Variants in SLC2A13 observed in about 807,000 individuals in gnomAD.
The protein encoded by SLC2A13 is proton myo-inositol cotransporter.
SLC2A13 carries 32 observed loss-of-function variants against 64.4 expected under a neutral mutation model. That is an observed-to-expected ratio of 0.50 (90% CI 0.37 to 0.67). The LOEUF (loss-of-function observed/expected upper bound fraction) is 0.67. Among genes scored for constraint, SLC2A13 ranks in the 30% least tolerant of loss-of-function variants. SLC2A13 has a pLI of 0.00. For missense variants in SLC2A13, 743 were observed against 829.2 expected (o/e 0.90, Z 1.28); for synonymous variants, 338 against 327.1 (o/e 1.03, Z -0.36).
At chr12:40,031,688 T>A (rs921024179) in intron 2 of SLC2A13, among the ~76,000 whole-genome samples, 6 of 152,214 alleles carry the variant, frequency 3.9e-5, no homozygotes, top group African/African-American at 1.4e-4. Flanking sequence ...TTGTTCTGGC[T>A]GTATCACCCA....
At chr12:39,829,186 T>A (rs1021462630) in intron 7 of SLC2A13, among the ~76,000 whole-genome samples, 9 of 151,976 alleles carry the variant, frequency 5.9e-5, no homozygotes, top group Non-Finnish European at 1.2e-4. Context: ...AGTTCATAAA[T>A]CTGGAGAATA....
At chr12:40,070,286 G>T (rs562770632) in intron 1 of SLC2A13, among the ~76,000 whole-genome samples, 7 of 152,086 alleles carry the variant, frequency 4.6e-5, no homozygotes, top group African/African-American at 1.7e-4. Context: ...GAAACCAAAA[G>T]AACATGAACA....
At chr12:39,843,430 G>A (rs1207815928) in intron 6 of SLC2A13, among the ~76,000 whole-genome samples, 1 of 151,946 alleles carries the variant, frequency 6.6e-6, no homozygotes, top group Non-Finnish European at 1.5e-5. Context: ...ATGGCCTTTT[G>A]CAGAAAGAAT....
chr12:39,897,301 ACAGACTATCTGAAAGATAAGCTCAAGCAG>A (rs1296550317), intron 4 of SLC2A13, among the ~76,000 whole-genome samples: 1 of 152,210 alleles, frequency 6.6e-6, no homozygotes, highest in Non-Finnish European at 1.5e-5. Flanking sequence ...GCAAGCCTGC[ACAGACTATCTGAAAGATAAGCTCAAGCAG>A]AGCTCCATAT....
At chr12:39,806,937 G>A (rs1369548677) in intron 7 of SLC2A13, among the ~76,000 whole-genome samples, 14 of 152,080 alleles carry the variant, frequency 9.2e-5, no homozygotes, top group Admixed American at 9.2e-4. Flanking sequence ...AATCTCCAGA[G>A]AATTATGCTG....
intron 3 of SLC2A13, among the ~76,000 whole-genome samples, chr12:39,990,719 G>A (rs1240251737): frequency 2.6e-5 from 4 of 152,142 alleles, no homozygotes; most frequent in Non-Finnish European, 5.9e-5. Flanking sequence ...TGGCAGCTGT[G>A]CTTGGGACAC....
chr12:39,768,474 C>T (rs1373345172), intron 7 of SLC2A13, among the ~76,000 whole-genome samples: 1 of 152,110 alleles, frequency 6.6e-6, no homozygotes, highest in Non-Finnish European at 1.5e-5. Context: ...CCTCATTAAG[C>T]TCAATTATTT....
At chr12:39,910,818 C>T (rs1159629647) in intron 4 of SLC2A13, among the ~76,000 whole-genome samples, 1 of 152,084 alleles carries the variant, frequency 6.6e-6, no homozygotes, top group Non-Finnish European at 1.5e-5. Flanking sequence ...GGTGTGGTAG[C>T]TCATGCCTGT....
chr12:40,051,616 C>T (rs973250966), intron 1 of SLC2A13, among the ~76,000 whole-genome samples: 3 of 152,024 alleles, frequency 2.0e-5, no homozygotes, highest in Admixed American at 1.3e-4. Context: ...GGATAGAAGT[C>T]ATATTTAAGC....
At chr12:40,045,368 ATT>A (rs991404518) in intron 2 of SLC2A13, among the ~76,000 whole-genome samples, 1 of 151,934 alleles carries the variant, frequency 6.6e-6, no homozygotes, top group Admixed American at 6.6e-5. Context: ...TTTGAAACAT[ATT>A]GCTATAAAAG....
intron 7 of SLC2A13, among the ~76,000 whole-genome samples, chr12:39,770,102 C>A (rs1174338624): frequency 6.6e-6 from 1 of 152,012 alleles, no homozygotes; most frequent in Admixed American, 6.6e-5. Flanking sequence ...TTTTAAATTG[C>A]CTCTTCCTCT....
chr12:39,801,475 CT>C (rs1941790545), intron 7 of SLC2A13, among the ~76,000 whole-genome samples: 2 of 152,036 alleles, frequency 1.3e-5, no homozygotes, highest in Admixed American at 1.3e-4. Context: ...GAGGGCTGAC[CT>C]CATGACATAG....
intron 7 of SLC2A13, among the ~76,000 whole-genome samples, chr12:39,825,917 C>A (rs909540066): frequency 2.6e-5 from 4 of 151,950 alleles, no homozygotes; most frequent in Non-Finnish European, 4.4e-5. Context: ...TTCTTCTAAA[C>A]CTATTAATTA....
At chr12:39,889,511 G>A (rs377094593) in intron 4 of SLC2A13, among the ~76,000 whole-genome samples, 4 of 149,254 alleles carry the variant, frequency 2.7e-5, no homozygotes, top group Admixed American at 2.0e-4. Context: ...CCGACTTTAC[G>A]CTTCAGTGGT....
At chr12:39,829,962 C>A in intron 7 of SLC2A13, 141 bp downstream of exon 7, 1 of 1,028,394 alleles carries the variant, frequency 9.7e-7, no homozygotes, top group Non-Finnish European at 1.4e-6. Context: ...CATCCACTAT[C>A]ACCAGTATAT....
chr12:39,945,552 ATTT>A (rs912129793), intron 4 of SLC2A13, among the ~76,000 whole-genome samples: 13 of 150,996 alleles, frequency 8.6e-5, no homozygotes, highest in African/African-American at 2.9e-4. Context: ...ATATTTTCTT[ATTT>A]TTTTTCTTTG....
chr12:39,803,851 G>A (rs1442099206), intron 7 of SLC2A13, among the ~76,000 whole-genome samples: 1 of 152,108 alleles, frequency 6.6e-6, no homozygotes, highest in Non-Finnish European at 1.5e-5. Context: ...TTTCATAACT[G>A]ATGGAAAACA....
At chr12:40,085,189 C>T (rs1938550633) in intron 1 of SLC2A13, among the ~76,000 whole-genome samples, 3 of 152,218 alleles carry the variant, frequency 2.0e-5, no homozygotes, top group African/African-American at 4.8e-5. Flanking sequence ...GCTCAGGACC[C>T]TTCCAAGTCT....
intron 4 of SLC2A13, among the ~76,000 whole-genome samples, chr12:39,915,132 C>T (rs1945502172): frequency 1.3e-5 from 2 of 151,810 alleles, no homozygotes; most frequent in Non-Finnish European, 2.9e-5. Flanking sequence ...ATTAAAAGTG[C>T]ATATAGCAAC....
Sources: gnomAD v4.1 joint callset for allele counts (sites outside exome capture counted in the v4.1 genomes callset) on GRCh38, gnomAD v4.1.1 for gene constraint, MANE v1.5 for transcripts, NCBI Gene and HGNC (gene_info 2026-07-23, HGNC 2026-07-21) for gene names.